Variants in UGT2B10 observed in about 807,000 individuals in gnomAD.
UGT2B10 encodes UDP glucuronosyltransferase family 2 member B10, also known as UDP-glucuronosyltransferase 2B10.
In UGT2B10, 51 loss-of-function variants were observed where a neutral mutation model predicts 43.7. That is an observed-to-expected ratio of 1.17 (90% CI 0.93 to 1.47). The LOEUF (loss-of-function observed/expected upper bound fraction) is 1.47, where lower values mean the gene tolerates loss of function less well. Among genes scored for constraint, UGT2B10 ranks in the 40% most tolerant of loss-of-function variants. The pLI, the probability that UGT2B10 is intolerant of heterozygous loss-of-function variation, is 0.00. For missense variants in UGT2B10, 696 were observed against 617.7 expected, an observed-to-expected ratio of 1.13 and a Z score of -1.34; for synonymous variants, 225 against 209.0, an observed-to-expected ratio of 1.08 and a Z score of -0.66.
intron 1 of UGT2B10, 34 bp downstream of exon 1, chr4:68,816,771 T>G: frequency 6.6e-7 from 1 of 1,510,080 alleles, no homozygotes; most frequent in Non-Finnish European, 8.9e-7. Flanking sequence ...CATGAAGCTC[T>G]AACTTATTTG....
rs1297899358 is a variant in UGT2B10 at position 68,816,349 on chromosome 4, A to G, written c.330A>G (p.Gln110=). ...ATACATTTTGGTTACCTTTTTCACA[A>G]GAACAAGAAATCCTGTGGGCAATTA... The part of the protein sequence containing the change: ...QKDTFWLPFS[Q]EQEILWAIND... Residue 110 remains glutamine, a synonymous_variant, in exon 1 of 6, where the codon CAA becomes CAG. Transcript: ENST00000265403. 1 of 1,613,162 alleles carries G rather than the reference A, an allele frequency of 6.2e-7. No homozygotes were observed. Among genetic ancestry groups the G allele is most frequent in the Admixed American group, 1.7e-5 (1 of 59,884 alleles).
intron 3 of UGT2B10, among the ~76,000 whole-genome samples, chr4:68,823,745 T>G (rs1398798153): frequency 6.6e-6 from 1 of 152,202 alleles, no homozygotes; most frequent in East Asian, 1.9e-4. Flanking sequence ...AAATTAGAGC[T>G]TTTGGGAAAG....
intron 1 of UGT2B10, among the ~76,000 whole-genome samples, 197 bp from the exon 2 acceptor site, chr4:68,817,832 T>C (rs1481527526): frequency 1.3e-5 from 2 of 151,792 alleles, no homozygotes; most frequent in African/African-American, 2.4e-5. Flanking sequence ...CTACTTTGCC[T>C]TTCTTATAAA....
rs925151144 is a variant in UGT2B10 at position 68,827,206 on chromosome 4, C to G, written c.1088-123C>G. The G allele has an allele frequency of 1.1e-5, 17 of 1,506,102 alleles. No homozygotes were observed. The African/African-American group carries it at 2.4e-4, about 21-fold the overall frequency. 93.3% of individuals were successfully genotyped at this position (1,506,102 alleles called of 1,614,324 possible). A position where few individuals can be genotyped will look rare whatever the true frequency, so the allele number is the denominator to read the frequency against. ...AAGTACCTGTTTTTTCCTCTGAAATCTGAAAAGTAATAGCAAATTAGTTCA... is the reference window on the plus strand; with the variant it reads ...AAGTACCTGTTTTTTCCTCTGAAATGTGAAAAGTAATAGCAAATTAGTTCA... On this transcript the variant is annotated intron_variant, in intron 4 of 5. Coordinates refer to ENST00000265403, the MANE Select transcript of UGT2B10 (RefSeq NM_001075.6).
intron 3 of UGT2B10, 135 bp from the exon 4 acceptor site, chr4:68,826,275 T>A: frequency 2.1e-6 from 2 of 935,340 alleles, no homozygotes; most frequent in South Asian, 2.0e-5. Flanking sequence ...AATGTGGTTA[T>A]TCTTTTTGCA....
rs763427591 is a variant in UGT2B10 at position 68,816,746 on chromosome 4, T to A, written c.718+9T>A. 9.5e-6 allele frequency: 15 copies of A among 1,576,636 alleles called. No individual in the cohort carries two copies. Among genetic ancestry groups the A allele is most frequent in the Non-Finnish European group, 1.2e-5 (14 of 1,162,622 alleles). ...TTACAGTGAAGTTTTAGGTAAGATTTTTTTCAATTAGTAACATGAAGCTCT... is the reference window on the plus strand; with the variant it reads ...TTACAGTGAAGTTTTAGGTAAGATTATTTTCAATTAGTAACATGAAGCTCT... On this transcript the variant is annotated intron_variant, in intron 1 of 5. Transcript: ENST00000265403.
chr4:68,816,860 A>G (rs1737239779), intron 1 of UGT2B10, 123 bp downstream of exon 1: 1 of 863,476 alleles, frequency 1.2e-6, no homozygotes, highest in African/African-American at 1.7e-5. Context: ...TGAAATGAAA[A>G]TACAAGATGA....
Position 68,826,469 on chromosome 4 carries a change from C to T in UGT2B10, c.1059C>T (p.Tyr353=), listed in dbSNP as rs1434692120. The T allele has an allele frequency of 2.5e-6, 4 of 1,612,370 alleles. No individual in the cohort carries two copies. Among genetic ancestry groups the T allele is most frequent in the Non-Finnish European group, 3.4e-6 (4 of 1,179,152 alleles). ...CCTTAGGTCTCAATACTCGACTGTA[C>T]AAGTGGATACCCCAGAATGACCTTC... ...PDALGLNTRL[Y]KWIPQNDLLG... The change falls in exon 4 of 6, where the codon TAC becomes TAT. Residue 353 remains tyrosine (Y), a synonymous_variant. Transcript: ENST00000265403.
chr4:68,816,947 G>C (rs1388199003), intron 1 of UGT2B10, among the ~76,000 whole-genome samples: 2 of 151,870 alleles, frequency 1.3e-5, no homozygotes, highest in East Asian at 1.9e-4. Flanking sequence ...CACTCATACA[G>C]AACACCCCAG....
At chr4:68,826,584 T>C in intron 4 of UGT2B10, 87 bp downstream of exon 4, 2 of 1,446,778 alleles carry the variant, frequency 1.4e-6, no homozygotes, top group Non-Finnish European at 1.9e-6. Flanking sequence ...TTATTGAATA[T>C]TTGTTATAGG....
In UGT2B10 at chr4:68,830,734, A is replaced by G. The variant is rs567502684; in HGVS notation, c.1442A>G (p.Asn481Ser). The G allele has an allele frequency of 6.8e-6, 11 of 1,613,350 alleles. No individual in the cohort carries two copies. The East Asian group carries it at 1.8e-4, about 26-fold the overall frequency. Residue 481 changes from asparagine (N) to serine (S), a missense_variant, in exon 6 of 6, where the codon AAC becomes AGC. Transcript: ENST00000265403. ...AAACATCTTCGAGTTGCAGCCCACA[A>G]CCTCACCTGGTTCCAGTACCACTCT... is the stretch of plus-strand genomic sequence containing the variant. ...GAKHLRVAAH[N>S]LTWFQYHSLD...
At position 68,831,208 on chromosome 4, in the gene UGT2B10, C is replaced by A; in HGVS notation, c.*329C>A. On this transcript the variant is annotated 3_prime_UTR_variant, in exon 6 of 6. Transcript: ENST00000265403. ...TACTAAGCTCAAGAGGTTCTCTCAC[C>A]TCAGCCCCCCAAGTAGCTGGGACCA... The A allele has an allele frequency of 4.2e-6, 1 of 240,402 alleles. No individual in the cohort carries two copies. 14.9% of individuals were successfully genotyped at this position (240,402 alleles called of 1,614,324 possible).
At chr4:68,829,293 C>T (rs528883442) in intron 5 of UGT2B10, among the ~76,000 whole-genome samples, 20 of 151,858 alleles carry the variant, frequency 1.3e-4, no homozygotes, top group Non-Finnish European at 2.5e-4. Flanking sequence ...ATTCAAAGTC[C>T]GGTTATTCTT....
chr4:68,830,827 T>C lies in UGT2B10; in HGVS notation c.1535T>C (p.Leu512Pro), dbSNP rs747556118. 4 of 1,613,214 alleles carry C rather than the reference T, an allele frequency of 2.5e-6. 1 individual carries two copies. Among genetic ancestry groups the C allele is most frequent in the Non-Finnish European group, 3.4e-6 (4 of 1,179,454 alleles). The change falls in exon 6 of 6, where the codon CTG (leucine) becomes CCG (proline). Residue 512 changes from leucine (L) to proline (P), a missense_variant. By Grantham distance (98) the Leu-to-Pro change is moderately conservative. Coordinates refer to ENST00000265403, the MANE Select transcript of UGT2B10 (RefSeq NM_001075.6). ...TVLFIITKCC[L>P]FCFWKFARKG... Reference sequence around the variant, plus strand: ...CTATTTATCATCACAAAGTGTTGTCTGTTTTGTTTCTGGAAGTTTGCTAGA... The same window carrying C: ...CTATTTATCATCACAAAGTGTTGTCCGTTTTGTTTCTGGAAGTTTGCTAGA...
intron 5 of UGT2B10, among the ~76,000 whole-genome samples, chr4:68,828,117 C>T (rs1737894294): frequency 6.6e-6 from 1 of 151,962 alleles, no homozygotes; most frequent in Non-Finnish European, 1.5e-5. Flanking sequence ...ACTGCAGTGA[C>T]ACCAAAATCA....
chr4:68,825,439 G>T (rs114760275), intron 3 of UGT2B10, among the ~76,000 whole-genome samples: 3,391 of 151,860 alleles, frequency 0.022, 59 homozygotes, highest in Middle Eastern at 0.061. Context: ...CATCACCCAC[G>T]TATTAAGACT....
In UGT2B10 at chr4:68,816,460, T is replaced by A. The variant is rs1468388207; in HGVS notation, c.441T>A (p.Val147=). 4.3e-6 allele frequency: 7 copies of A among 1,613,270 alleles called. No homozygotes were observed. The highest frequency in any genetic ancestry group is 5.9e-6 in the Non-Finnish European group (7 of 1,179,474). Reference sequence around the variant, plus strand: ...TACAAGAGTCAAGATTTGACATCGTTTTTGCAGATGCTTATTTACCCTGTG... The same window carrying A: ...TACAAGAGTCAAGATTTGACATCGTATTTGCAGATGCTTATTTACCCTGTG... The part of the protein sequence containing the change: ...KKLQESRFDI[V]FADAYLPCGE... Residue 147 remains valine, a synonymous_variant, in exon 1 of 6, where the codon GTT becomes GTA. Transcript: ENST00000265403.
chr4:68,816,049 G>A lies in UGT2B10; in HGVS notation c.30G>A (p.Leu10=). ...CTCTGAAATGGACTACAGTTCTGCT[G>A]ATACAACTCAGTTTTTACTTTAGCT... MALKWTTVL[L]IQLSFYFSSG... Residue 10 remains leucine (L), a synonymous_variant, in exon 1 of 6, where the codon CTG becomes CTA. Coordinates refer to ENST00000265403, the MANE Select transcript of UGT2B10 (RefSeq NM_001075.6). The A allele has an allele frequency of 6.2e-7, 1 of 1,612,896 alleles. No homozygotes were observed. Among genetic ancestry groups the A allele is most frequent in the Non-Finnish European group, 8.5e-7 (1 of 1,179,214 alleles).
At chr4:68,817,852 G>T (rs1737292100) in intron 1 of UGT2B10, among the ~76,000 whole-genome samples, 177 bp from the exon 2 acceptor site, 1 of 151,434 alleles carries the variant, frequency 6.6e-6, no homozygotes, top group African/African-American at 2.4e-5. Context: ...ATAAACAAGG[G>T]CAAAATATAG....
Sources: gnomAD v4.1 joint callset for allele counts (sites outside exome capture counted in the v4.1 genomes callset) on GRCh38, gnomAD v4.1.1 for gene constraint, MANE v1.5 for transcripts, NCBI Gene and HGNC (gene_info 2026-07-23, HGNC 2026-07-21) for gene names.